The following TOP2B variants were observed in gnomAD, a reference collection of about 807,000 sequenced individuals.
TOP2B encodes DNA topoisomerase II beta.
In TOP2B, 51 loss-of-function variants were observed where a neutral mutation model predicts 193.5. The observed-to-expected ratio is 0.26, with a 90% CI of 0.21 to 0.33. TOP2B has a LOEUF of 0.33. TOP2B is among the 10% of genes least tolerant of loss of function. The pLI is 1.00. For synonymous variants in TOP2B, 634 were observed against 635.7 expected, an observed-to-expected ratio of 1.00 and a Z score of 0.04; for missense variants, 1,378 against 1,909.3, an observed-to-expected ratio of 0.72 and a Z score of 5.19.
At chr3:25,606,387 G>C (rs1702238217) in intron 31 of TOP2B, among the ~76,000 whole-genome samples, 1 of 151,934 alleles carries the variant, frequency 6.6e-6, no homozygotes, top group African/African-American at 2.4e-5. Flanking sequence ...ATATAAAAAA[G>C]AATGGAAACT....
intron 24 of TOP2B, 51 bp downstream of exon 24, chr3:25,618,603 G>GA (rs1702573968): frequency 2.0e-6 from 3 of 1,531,928 alleles, no homozygotes; most frequent in African/African-American, 2.8e-5. Context: ...TATTAATAAA[G>GA]TTTTTTTTCC....
At chr3:25,598,752 C>G (rs1021335576) in intron 35 of TOP2B, among the ~76,000 whole-genome samples, 5 of 152,076 alleles carry the variant, frequency 3.3e-5, no homozygotes, top group African/African-American at 1.2e-4. Flanking sequence ...TTATATATTA[C>G]CCAAAAAGTA....
chr3:25,621,354 CCTCTT>C (rs1452902459), intron 21 of TOP2B, among the ~76,000 whole-genome samples: 2 of 152,074 alleles, frequency 1.3e-5, no homozygotes, highest in Non-Finnish European at 2.9e-5. Flanking sequence ...GTCCTCTCTC[CCTCTT>C]CTAAGTTTTT....
rs1275339186 is a variant in TOP2B, at chr3:25,637,096, C to T, written c.639+119G>A. On this transcript the variant is annotated intron_variant, in intron 6 of 35. Transcript: ENST00000264331. ...CTCTGATGATTTGACTTGGATAATG[C>T]TTTGGAAAAAAAAAATGAAGTTATA... 5 of 736,602 alleles carry T rather than the reference C, an allele frequency of 6.8e-6. No homozygotes were observed. In the East Asian group the frequency reaches 1.1e-4, roughly 16 times the overall value. The allele number at this position is 736,602 out of a possible 1,614,324, so 45.6% of individuals were successfully genotyped here. A position where few individuals can be genotyped will look rare whatever the true frequency, so the allele number is the denominator to read the frequency against.
intron 7 of TOP2B, among the ~76,000 whole-genome samples, chr3:25,634,690 A>G (rs1379917972): frequency 2.7e-5 from 4 of 149,158 alleles, no homozygotes; most frequent in African/African-American, 7.4e-5. Flanking sequence ...GTGAGAATCT[A>G]GAGGTTTCCC....
At chr3:25,627,960 C>T (rs148133807) in intron 15 of TOP2B, among the ~76,000 whole-genome samples, 2,010 of 151,710 alleles carry the variant, frequency 0.013, 47 homozygotes, top group African/African-American at 0.044. Flanking sequence ...ACTTGGGTGG[C>T]TGAAGCATGA....
intron 1 of TOP2B, among the ~76,000 whole-genome samples, chr3:25,647,620 A>G (rs1703446564): frequency 6.6e-6 from 1 of 152,138 alleles, no homozygotes; most frequent in African/African-American, 2.4e-5. Context: ...GGGATAAAAA[A>G]AAAAAAACAG....
At chr3:25,653,823 C>T (rs1306727080) in intron 1 of TOP2B, among the ~76,000 whole-genome samples, 2 of 152,114 alleles carry the variant, frequency 1.3e-5, no homozygotes, top group Non-Finnish European at 2.9e-5. Context: ...AATCATTGTA[C>T]TACACTATAT....
chr3:25,607,345 G>A lies in TOP2B; in HGVS notation c.4124C>T (p.Ser1375Leu). Residue 1375 changes from serine to leucine, a missense_variant, in exon 31 of 36, where the codon TCA becomes TTA. By Grantham distance (145) the Ser-to-Leu change is moderately radical. Around this residue, in one of 9 missense-constraint regions of TOP2B, gnomAD observed 556 missense variants for 584.2 expected, o/e 0.95. Transcript: ENST00000264331. ...AERPKYTFDFSEEEDDDADDD... is the reference protein window; with the variant it reads ...AERPKYTFDFLEEEDDDADDD... ...ATCAGCATCATCATCCTCTTCTTCT[G>A]AGAAATCAAATGTGTATTTAGGTCT... The A allele has an allele frequency of 1.9e-6, 3 of 1,551,330 alleles. No individual in the cohort carries two copies. The highest frequency in any genetic ancestry group is 2.6e-6 in the Non-Finnish European group (3 of 1,146,822).
chr3:25,664,197 G>A, intron 1 of TOP2B, 32 bp downstream of exon 1: 1 of 1,535,524 alleles, frequency 6.5e-7, no homozygotes, highest in Non-Finnish European at 8.7e-7. Flanking sequence ...CCGGAACAAT[G>A]CAGCCGCCCG....
chr3:25,602,515 C>G (rs1005378851), intron 33 of TOP2B, among the ~76,000 whole-genome samples: 1 of 144,100 alleles, frequency 6.9e-6, no homozygotes, highest in Non-Finnish European at 1.5e-5. Flanking sequence ...AAAAAAAAAC[C>G]TACACTGATT....
rs1702027000 is a variant in TOP2B at position 25,599,416 on chromosome 3, C to T, written c.4710+19G>A. 5 of 1,609,912 alleles carry T rather than the reference C, an allele frequency of 3.1e-6. No homozygotes were observed. Among genetic ancestry groups the T allele is most frequent in the Non-Finnish European group, 4.2e-6 (5 of 1,177,648 alleles). ...TTTTAAAAAGCCATGCACTAATATGCAATGATGTTCCCGGTTACCTTGCTT... is the reference window on the plus strand; with the variant it reads ...TTTTAAAAAGCCATGCACTAATATGTAATGATGTTCCCGGTTACCTTGCTT... On this transcript the variant is annotated intron_variant, in intron 35 of 35. Coordinates refer to ENST00000264331, the MANE Select transcript of TOP2B (RefSeq NM_001330700.2).
chr3:25,628,855 T>C lies in TOP2B; in HGVS notation c.1898A>G (p.Tyr633Cys). The change falls in exon 15 of 36, where the codon TAC becomes TGC. Residue 633 changes from tyrosine (Y) to cysteine (C), a missense_variant. By Grantham distance (194) the Tyr-to-Cys change is radical. Around this residue, in one of 9 missense-constraint regions of TOP2B, gnomAD observed 379 missense variants for 615.1 expected, o/e 0.62. Transcript: ENST00000264331. ...IENQKAWKIK[Y>C]YKGLGTSTAK... Reference sequence around the variant, plus strand: ...TATTTTAAAATACAAACCTTTATAGTACTTTATTTTCCAGGCTTTCTGGTT... The same window carrying C: ...TATTTTAAAATACAAACCTTTATAGCACTTTATTTTCCAGGCTTTCTGGTT... 6.5e-7 allele frequency: 1 copy of C among 1,542,020 alleles called. No individual in the cohort carries two copies. Among genetic ancestry groups the C allele is most frequent in the Non-Finnish European group, 8.8e-7 (1 of 1,132,260 alleles).
chr3:25,632,864 T>C (rs1245907100), intron 8 of TOP2B, 70 bp from the exon 9 acceptor site: 11 of 1,230,764 alleles, frequency 8.9e-6, no homozygotes, highest in Admixed American at 8.0e-5. Context: ...TTATCTGTAT[T>C]ATAAACCCTA....
chr3:25,664,900 GCA>G lies in TOP2B; in HGVS notation c.-605_-604del, dbSNP rs1210704929. 148 of 988,584 alleles carry G rather than the reference GCA, an allele frequency of 1.5e-4. 2 individuals are homozygous for G. The highest frequency in any genetic ancestry group is 1.0e-4 in the Non-Finnish European group (85 of 831,036). The allele number at this position is 988,584 out of a possible 1,614,324, so 61.2% of individuals were successfully genotyped here. A position where few individuals can be genotyped will look rare whatever the true frequency, so the allele number is the denominator to read the frequency against. On this transcript the variant is annotated 5_prime_UTR_variant, in exon 1 of 36. Transcript: ENST00000264331. Reference sequence around the variant, plus strand: ...CCTCCCTCTTGTCCGGCATAACACCGCACACACACATTTGCACACCGGGGAGA... The same window carrying G: ...CCTCCCTCTTGTCCGGCATAACACCGCACACACATTTGCACACCGGGGAGA...
intron 27 of TOP2B, among the ~76,000 whole-genome samples, chr3:25,614,320 T>C (rs539127927): frequency 2.3e-4 from 35 of 152,196 alleles, no homozygotes; most frequent in African/African-American, 8.2e-4. Flanking sequence ...TTAGGAATAA[T>C]TTTTCTTTTA....
rs180834908 is a variant in TOP2B at position 25,624,215 on chromosome 3, A to G, written c.2495+82T>C. 6,334 of 1,484,022 alleles carry G rather than the reference A, an allele frequency of 4.3e-3. 19 individuals are homozygous for G. Among genetic ancestry groups the G allele is most frequent in the Non-Finnish European group, 5.0e-3 (5,384 of 1,078,366 alleles). The allele number at this position is 1,484,022 out of a possible 1,614,324, so 91.9% of individuals were successfully genotyped here. A position where few individuals can be genotyped will look rare whatever the true frequency, so the allele number is the denominator to read the frequency against. On this transcript the variant is annotated intron_variant, in intron 20 of 35. Coordinates refer to ENST00000264331, the MANE Select transcript of TOP2B (RefSeq NM_001330700.2). ...AATAACCAGATAATCACATCTCTCCACAGCTATAATTCCATCGAACATTTA... is the reference window on the plus strand; with the variant it reads ...AATAACCAGATAATCACATCTCTCCGCAGCTATAATTCCATCGAACATTTA...
intron 1 of TOP2B, among the ~76,000 whole-genome samples, chr3:25,651,624 G>A (rs1387867911): frequency 6.6e-6 from 1 of 152,092 alleles, no homozygotes; most frequent in African/African-American, 2.4e-5. Context: ...CCAGCACTTT[G>A]GGAGACCAAG....
At position 25,630,158 on chromosome 3, in the gene TOP2B, T is replaced by C; in HGVS notation, c.1564-4A>G. 1 of 1,540,554 alleles carries C rather than the reference T, an allele frequency of 6.5e-7. No homozygotes were observed. Among genetic ancestry groups the C allele is most frequent in the Non-Finnish European group, 8.7e-7 (1 of 1,145,020 alleles). ...TTATTTCAGCATTTTCCATGATCTG[T>C]TCAAAAAGGAAAAGCACTGAGAGTA... On this transcript the variant is annotated splice_polypyrimidine_tract_variant and splice_region_variant and intron_variant, in intron 12 of 35. Transcript: ENST00000264331.
Sources: gnomAD v4.1 joint callset for allele counts (sites outside exome capture counted in the v4.1 genomes callset) on GRCh38, gnomAD v4.1.1 for gene constraint, gnomAD v4.1.1 regional missense constraint, MANE v1.5 for transcripts, NCBI Gene and HGNC (gene_info 2026-07-23, HGNC 2026-07-21) for gene names.